HHLA2: variants seen among roughly 807,000 people sequenced by gnomAD.
The protein encoded by HHLA2 is HHLA2 member of B7 family.
A neutral mutation model predicts 45.9 loss-of-function variants in HHLA2; 48 were observed. The observed-to-expected ratio is 1.05, with a 90% CI of 0.83 to 1.33. The LOEUF is 1.33. HHLA2 is among the 40% of genes most tolerant of loss of function. The pLI is 0.00. For missense variants in HHLA2, 462 were observed against 494.3 expected, an observed-to-expected ratio of 0.93 and a Z score of 0.62; for synonymous variants, 161 against 173.9, an observed-to-expected ratio of 0.93 and a Z score of 0.59.
At chr3:108,308,829 C>G (rs1167654582) in intron 1 of HHLA2, among the ~76,000 whole-genome samples, 1 of 152,104 alleles carries the variant, frequency 6.6e-6, no homozygotes, top group African/African-American at 2.4e-5. Context: ...CTATTCAAAT[C>G]TTTTGCCCAT....
intron 1 of HHLA2, among the ~76,000 whole-genome samples, chr3:108,303,526 T>C (rs898599994): frequency 1.3e-5 from 2 of 152,220 alleles, no homozygotes; most frequent in East Asian, 3.8e-4. Flanking sequence ...TGAGTACTTG[T>C]TTTGTTGTGT....
At chr3:108,328,147 A>G in intron 2 of HHLA2, 1 of 499,310 alleles carries the variant, frequency 2.0e-6, no homozygotes, top group Non-Finnish European at 3.4e-6. Flanking sequence ...AAAAAAAAAA[A>G]GTTGTAGAAG....
intron 2 of HHLA2, among the ~76,000 whole-genome samples, chr3:108,324,773 C>T (rs2107356426): frequency 6.6e-6 from 1 of 152,238 alleles, no homozygotes; most frequent in Non-Finnish European, 1.5e-5. Flanking sequence ...TTCTATTCAT[C>T]TCATCTATTC....
rs80327493 is a variant in HHLA2, at chr3:108,346,953, T to C, written c.-26-4835T>C. Among the ~76,000 whole-genome samples the C allele has an allele frequency of 4.5e-4, 69 of 152,308 alleles. 2 individuals are homozygous for C. The East Asian group carries it at 0.012, about 26-fold the overall frequency. On this transcript the variant is annotated intron_variant, in intron 3 of 10. Transcript: ENST00000619531. ...GATTAGTCTTAGCATATGGATTTCT[T>C]TTTTGCCATATTCTATTGCAGAGGC...
At chr3:108,329,583 G>A (rs955968830) in intron 3 of HHLA2, among the ~76,000 whole-genome samples, 7 of 152,162 alleles carry the variant, frequency 4.6e-5, no homozygotes, top group Non-Finnish European at 2.9e-5. Flanking sequence ...GTGGAGGAAT[G>A]TATTGGCTCA....
chr3:108,337,883 G>C (rs993714535), intron 3 of HHLA2, among the ~76,000 whole-genome samples: 117 of 152,156 alleles, frequency 7.7e-4, no homozygotes, highest in African/African-American at 2.3e-3. Context: ...CCTATTTGTT[G>C]CTTGTCACTA....
At chr3:108,340,660 T>C (rs2081548793) in intron 3 of HHLA2, among the ~76,000 whole-genome samples, 1 of 152,182 alleles carries the variant, frequency 6.6e-6, no homozygotes, top group African/African-American at 2.4e-5. Context: ...CTTTAGTCTT[T>C]AGTGTTGAAT....
At chr3:108,367,516 A>T (rs1448567306) in intron 8 of HHLA2, among the ~76,000 whole-genome samples, 1 of 151,980 alleles carries the variant, frequency 6.6e-6, no homozygotes, top group African/African-American at 2.4e-5. Context: ...AATATAAATG[A>T]CCTGATGGAG....
intron 3 of HHLA2, among the ~76,000 whole-genome samples, chr3:108,330,350 C>T (rs2925536): frequency 0.015 from 2,273 of 152,178 alleles, 42 homozygotes; most frequent in African/African-American, 0.051. Context: ...GATTCTTGCC[C>T]CCAATGTACA....
At chr3:108,342,053 T>C (rs1233921831) in intron 3 of HHLA2, among the ~76,000 whole-genome samples, 1 of 152,096 alleles carries the variant, frequency 6.6e-6, no homozygotes, top group Non-Finnish European at 1.5e-5. Flanking sequence ...CTGAACAATT[T>C]GTCAGTTCTT....
At chr3:108,311,832 T>C (rs2081023094) in intron 2 of HHLA2, 1 of 152,216 alleles carries the variant, frequency 6.6e-6, no homozygotes, top group South Asian at 2.1e-4. Flanking sequence ...CACAGCTGTT[T>C]TGGTAAGTAT....
At chr3:108,332,494 C>G (rs1310824027) in intron 3 of HHLA2, among the ~76,000 whole-genome samples, 2 of 152,128 alleles carry the variant, frequency 1.3e-5, no homozygotes, top group East Asian at 3.8e-4. Flanking sequence ...AATAAGAAGC[C>G]TGTTCATACA....
At chr3:108,320,609 G>A (rs914826454) in intron 2 of HHLA2, among the ~76,000 whole-genome samples, 10 of 152,130 alleles carry the variant, frequency 6.6e-5, no homozygotes, top group African/African-American at 2.4e-4. Context: ...GATAGAGTGT[G>A]TGTGTATATA....
exon 5 of HHLA2, chr3:108,353,589 A>G: frequency 6.2e-7 from 1 of 1,613,784 alleles, no homozygotes; most frequent in East Asian, 2.2e-5. Flanking sequence ...AGTTACTACA[A>G]AGGCAGTGAC....
chr3:108,350,845 C>T (rs896062286), intron 3 of HHLA2, among the ~76,000 whole-genome samples: 7 of 151,958 alleles, frequency 4.6e-5, no homozygotes, highest in Non-Finnish European at 1.0e-4. Context: ...CCACCACACC[C>T]GGCTAATTTT....
rs891940781 is a variant in HHLA2, at chr3:108,375,680, G to C, written c.1109-70G>C. The C allele has an allele frequency of 4.2e-5, 65 of 1,557,052 alleles. No individual in the cohort carries two copies. The Middle Eastern group carries it at 1.1e-3, about 25-fold the overall frequency. On this transcript the variant is annotated intron_variant, in intron 8 of 10. Coordinates refer to ENST00000619531, the Ensembl canonical transcript of HHLA2. ...CAATTGAAGGACAGAGCCATACCAAGGTGACCTTACAGGGAAACAGCTGGG... is the reference window on the plus strand; with the variant it reads ...CAATTGAAGGACAGAGCCATACCAACGTGACCTTACAGGGAAACAGCTGGG...
chr3:108,341,501 T>C (rs563558633), intron 3 of HHLA2, among the ~76,000 whole-genome samples: 1 of 152,310 alleles, frequency 6.6e-6, no homozygotes, highest in Admixed American at 6.5e-5. Context: ...ACTAAGCAAA[T>C]GTGTGTCTCT....
At chr3:108,348,563 T>A (rs9829865) in intron 3 of HHLA2, among the ~76,000 whole-genome samples, 102,463 of 151,622 alleles carry the variant, frequency 0.68, 35,490 homozygotes, top group African/African-American at 0.77. Context: ...TGATTGGAGC[T>A]TTTATGCCTA....
intron 8 of HHLA2, among the ~76,000 whole-genome samples, chr3:108,373,646 C>G (rs368696328): frequency 6.6e-6 from 1 of 151,950 alleles, no homozygotes; most frequent in African/African-American, 2.4e-5. Context: ...GATACAAAAT[C>G]AATGTGCAAA....
Sources: allele counts gnomAD v4.1 joint callset (sites outside exome capture counted in the v4.1 genomes callset), GRCh38; gene constraint gnomAD v4.1.1; transcripts MANE v1.5; gene names NCBI Gene and HGNC (gene_info 2026-07-23, HGNC 2026-07-21).